The following STRBP variants were observed in gnomAD, a reference collection of about 807,000 sequenced individuals.
The protein encoded by STRBP is spermatid perinuclear RNA-binding protein.
In STRBP, 13 loss-of-function variants were observed where a neutral mutation model predicts 80.1. That is an observed-to-expected ratio of 0.16 (90% CI 0.11 to 0.26). The LOEUF (loss-of-function observed/expected upper bound fraction) is 0.26, where lower values mean the gene tolerates loss of function less well. Ranked by LOEUF, STRBP falls within the 10% of genes least tolerant of loss-of-function variation. The pLI is 1.00. For synonymous variants in STRBP, 284 were observed against 291.2 expected (o/e 0.98, Z 0.25); for missense variants, 485 against 815.2 (o/e 0.59, Z 4.93).
chr9:123,170,750 A>C (rs577949071), intron 5 of STRBP, among the ~76,000 whole-genome samples: 1 of 152,290 alleles, frequency 6.6e-6, no homozygotes, highest in South Asian at 2.1e-4. Flanking sequence ...CCCACAAAAT[A>C]ATCACCTGAT....
chr9:123,212,912 C>T (rs980094490), intron 2 of STRBP, among the ~76,000 whole-genome samples: 8 of 152,188 alleles, frequency 5.3e-5, no homozygotes, highest in African/African-American at 1.9e-4. Flanking sequence ...CTCACAAGAT[C>T]ATGCAACTAG....
Position 123,147,890 on chromosome 9 carries a change from A to T in STRBP, c.1046-20T>A, listed in dbSNP as rs1225102613. 6.3e-7 allele frequency: 1 copy of T among 1,594,450 alleles called. No individual in the cohort carries two copies. Among genetic ancestry groups the T allele is most frequent in the South Asian group, 1.1e-5 (1 of 89,224 alleles). The stretch of plus-strand genomic sequence containing the variant: ...CAGCACCTAAAAAAAATTATGAGGG[A>T]TTCATTATCAGTCAAAACAACAATC... On this transcript the variant is annotated intron_variant, in intron 11 of 18. Transcript: ENST00000348403.
At chr9:123,219,328 C>T (rs950134941) in intron 2 of STRBP, among the ~76,000 whole-genome samples, 9 of 152,130 alleles carry the variant, frequency 5.9e-5, no homozygotes, top group African/African-American at 2.2e-4. Context: ...CGATTTCAAC[C>T]CCCCACAAAC....
chr9:123,147,534 G>C (rs2036865071), intron 12 of STRBP, among the ~76,000 whole-genome samples: 1 of 152,008 alleles, frequency 6.6e-6, no homozygotes, highest in African/African-American at 2.4e-5. Flanking sequence ...AAACTTAGCA[G>C]GGCGTGGTGG....
intron 11 of STRBP, among the ~76,000 whole-genome samples, chr9:123,152,001 A>G (rs2037076721): frequency 6.6e-6 from 1 of 152,172 alleles, no homozygotes; most frequent in South Asian, 2.1e-4. Flanking sequence ...CAAATACTAC[A>G]GACAATAAAA....
chr9:123,170,102 GA>G (rs199869198), intron 5 of STRBP, 56 bp from the exon 6 acceptor site: 27 of 1,467,366 alleles, frequency 1.8e-5, no homozygotes, highest in African/African-American at 5.9e-5. Flanking sequence ...AACCTCAAAA[GA>G]AAAAAAAACA....
At chr9:123,211,082 A>G (rs2039691882) in intron 2 of STRBP, among the ~76,000 whole-genome samples, 1 of 152,228 alleles carries the variant, frequency 6.6e-6, no homozygotes, top group African/African-American at 2.4e-5. Flanking sequence ...CAACAGACAC[A>G]TATTAGAATG....
At chr9:123,145,988 G>A (rs1359311400) in intron 13 of STRBP, among the ~76,000 whole-genome samples, 4 of 151,738 alleles carry the variant, frequency 2.6e-5, no homozygotes, top group Admixed American at 6.6e-5. Flanking sequence ...AGCTCCATGA[G>A]AGCAGGAACT....
chr9:123,135,995 C>T, intron 16 of STRBP, 46 bp downstream of exon 16: 1 of 1,600,310 alleles, frequency 6.2e-7, no homozygotes. Flanking sequence ...TTTAATTCCT[C>T]TAACATTTTT....
chr9:123,138,173 T>G (rs541661308), intron 14 of STRBP, among the ~76,000 whole-genome samples: 1 of 152,354 alleles, frequency 6.6e-6, no homozygotes, highest in South Asian at 2.1e-4. Context: ...TTTATGTCAG[T>G]GTAGCTGCTA....
chr9:123,230,597 C>T (rs541092345), intron 2 of STRBP, among the ~76,000 whole-genome samples: 27 of 152,328 alleles, frequency 1.8e-4, no homozygotes, highest in African/African-American at 6.0e-4. Flanking sequence ...TTACAGCTAT[C>T]TGCCTTCCAG....
chr9:123,233,902 A>G (rs1331464596), intron 2 of STRBP, among the ~76,000 whole-genome samples: 1 of 152,208 alleles, frequency 6.6e-6, no homozygotes, highest in Non-Finnish European at 1.5e-5. Flanking sequence ...GCAAGGCACA[A>G]TTAAAATGTA....
intron 1 of STRBP, among the ~76,000 whole-genome samples, chr9:123,245,367 T>G (rs1371076871): frequency 6.6e-6 from 1 of 152,162 alleles, no homozygotes; most frequent in Non-Finnish European, 1.5e-5. Context: ...TCCAAGCATC[T>G]GTATTTCTTT....
At chr9:123,116,747 G>A (rs771224635), downstream of STRBP, among the ~76,000 whole-genome samples, 2 of 152,134 alleles carry the variant, frequency 1.3e-5, no homozygotes, top group Non-Finnish European at 2.9e-5. Context: ...TACTAGCGAC[G>A]CAAACCACCT....
At chr9:123,207,830 T>C (rs1255011496) in intron 2 of STRBP, among the ~76,000 whole-genome samples, 3 of 152,212 alleles carry the variant, frequency 2.0e-5, no homozygotes, top group Non-Finnish European at 2.9e-5. Flanking sequence ...ACAAGTTTGG[T>C]AAAACATTAG....
intron 2 of STRBP, among the ~76,000 whole-genome samples, chr9:123,231,875 C>A (rs371638339): frequency 1.3e-5 from 2 of 152,126 alleles, no homozygotes; most frequent in Non-Finnish European, 2.9e-5. Flanking sequence ...TGAACCTACC[C>A]CACTTCAAAA....
chr9:123,249,903 T>G (rs1157515989), intron 1 of STRBP, among the ~76,000 whole-genome samples: 6 of 152,238 alleles, frequency 3.9e-5, no homozygotes, highest in Non-Finnish European at 7.3e-5. Context: ...TATATAACGT[T>G]GAAGACGGAA....
At chr9:123,254,536 T>C (rs1240996436) in intron 1 of STRBP, among the ~76,000 whole-genome samples, 17 of 151,398 alleles carry the variant, frequency 1.1e-4, no homozygotes. Context: ...GTTGGGTGTG[T>C]GATTTTCAAC....
In STRBP at chr9:123,132,945, A is replaced by G. The variant is rs771144785; in HGVS notation, c.1797T>C (p.Ala599=). Residue 599 remains alanine (A), a synonymous_variant, in exon 17 of 19, where the codon GCT becomes GCC. Transcript: ENST00000348403. ...GAACAGCTTGGACTGCTGCAGACAC[A>G]GCTGTATTCACAACGCCCTTTGCCT... ...IPQAKGVVNT[A]VSAAVQAVRG... 1 of 1,614,054 alleles carries G rather than the reference A, an allele frequency of 6.2e-7. No homozygotes were observed. Among genetic ancestry groups the G allele is most frequent in the Admixed American group, 1.7e-5 (1 of 60,006 alleles).
Sources: allele counts gnomAD v4.1 joint callset (sites outside exome capture counted in the v4.1 genomes callset), GRCh38; gene constraint gnomAD v4.1.1; transcripts MANE v1.5; gene names NCBI Gene and HGNC (gene_info 2026-07-23, HGNC 2026-07-21).